Variants in SCRG1 observed in about 807,000 individuals in gnomAD.
SCRG1 encodes the protein scrapie-responsive protein 1.
A neutral mutation model predicts 7.7 loss-of-function variants in SCRG1; 3 were observed. The observed-to-expected ratio is 0.39, with a 90% CI of 0.18 to 1.01. The LOEUF is 1.01. SCRG1 is among the 50% of genes least tolerant of loss of function. SCRG1 has a pLI of 0.36. For synonymous variants in SCRG1, 46 were observed against 41.2 expected (o/e 1.12, Z -0.44); for missense variants, 110 against 117.2 (o/e 0.94, Z 0.28).
Position 173,387,480 on chromosome 4 carries a change from G to A in SCRG1, c.*861C>T, listed in dbSNP as rs1739274576. 1 of 151,946 alleles carries A rather than the reference G, an allele frequency of 6.6e-6. No individual in the cohort carries two copies. Among genetic ancestry groups the A allele is most frequent in the South Asian group, 2.1e-4 (1 of 4,806 alleles). The allele number at this position is 151,946 out of a possible 1,614,324, so 9.4% of individuals were successfully genotyped here. A position where few individuals can be genotyped will look rare whatever the true frequency, so the allele number is the denominator to read the frequency against. On this transcript the variant is annotated 3_prime_UTR_variant, in exon 3 of 3. Coordinates refer to ENST00000296506, the MANE Select transcript of SCRG1 (RefSeq NM_007281.4). ...CCTACCTCAGCCTCCCAAATAGCTG[G>A]GACTACAGGTGCATGCCGCCATGCA...
chr4:173,483,535 A>G, the SCRG1 span, among the ~76,000 whole-genome samples: 161 of 50,212 alleles, frequency 3.2e-3, 23 homozygotes, highest in African/African-American at 9.4e-3. Flanking sequence ...ATATTGTATT[A>G]TGATATATAA....
chr4:173,484,833 GTACAATATATTATATATAATA>G, the SCRG1 span, among the ~76,000 whole-genome samples: 5 of 64,120 alleles, frequency 7.8e-5, no homozygotes, highest in Non-Finnish European at 1.3e-4. Context: ...TATATTATAT[GTACAATATATTATATATAATA>G]TATATTATGT....
the SCRG1 span, among the ~76,000 whole-genome samples, chr4:173,485,389 C>T: frequency 8.7e-5 from 13 of 149,698 alleles, no homozygotes; most frequent in Non-Finnish European, 2.9e-5. Context: ...CAGCTGACAG[C>T]CAACAACAAG....
chr4:173,487,971 C>T, the SCRG1 span, among the ~76,000 whole-genome samples: 4 of 151,810 alleles, frequency 2.6e-5, no homozygotes, highest in African/African-American at 7.3e-5. Context: ...TGTGGTGGCA[C>T]GCACCTGTGG....
chr4:173,467,850 C>CT, the SCRG1 span: 1 of 152,060 alleles, frequency 6.6e-6, no homozygotes, highest in Non-Finnish European at 1.5e-5. Context: ...ACAAACCATG[C>CT]TTTTTAATTA....
the SCRG1 span, among the ~76,000 whole-genome samples, chr4:173,496,935 T>A: frequency 1.3e-5 from 2 of 151,742 alleles, no homozygotes; most frequent in Non-Finnish European, 2.9e-5. Context: ...TGAAACCCCG[T>A]CTCTACTAAA....
chr4:173,492,642 C>T, the SCRG1 span, among the ~76,000 whole-genome samples: 3 of 152,158 alleles, frequency 2.0e-5, no homozygotes, highest in African/African-American at 7.2e-5. Context: ...ATCAGAGCCC[C>T]CTACACCCAC....
chr4:173,497,704 T>G, the SCRG1 span, among the ~76,000 whole-genome samples: 1 of 133,864 alleles, frequency 7.5e-6, no homozygotes, highest in African/African-American at 2.8e-5. Context: ...GGAGTCTCAC[T>G]CTGTCACTGA....
upstream of SCRG1, among the ~76,000 whole-genome samples, chr4:173,408,472 C>G (rs1280392263): frequency 6.6e-6 from 1 of 152,106 alleles, no homozygotes; most frequent in Non-Finnish European, 1.5e-5. Flanking sequence ...CAGTATGGCT[C>G]AAGTGTAAAT....
chr4:173,485,312 G>A, the SCRG1 span, among the ~76,000 whole-genome samples: 2 of 91,252 alleles, frequency 2.2e-5, no homozygotes, highest in African/African-American at 6.8e-5. Context: ...TGCTTTCATT[G>A]TCTACCAAGT....
the SCRG1 span, among the ~76,000 whole-genome samples, chr4:173,438,119 A>T: frequency 6.6e-6 from 1 of 151,918 alleles, no homozygotes; most frequent in African/African-American, 2.4e-5. Flanking sequence ...TAATTAATTA[A>T]TTTATTTATT....
upstream of SCRG1, among the ~76,000 whole-genome samples, chr4:173,400,293 G>T (rs550021655): frequency 1.6e-4 from 24 of 152,268 alleles, no homozygotes; most frequent in African/African-American, 4.6e-4. Context: ...ACTTTCAAAG[G>T]CTTGGGCCTT....
chr4:173,484,675 G>GCA, the SCRG1 span, among the ~76,000 whole-genome samples: 11 of 35,248 alleles, frequency 3.1e-4, no homozygotes, highest in African/African-American at 1.1e-3. Context: ...ATAACATGAT[G>GCA]TATAATATAT....
chr4:173,419,717 G>T, the SCRG1 span: 5 of 999,302 alleles, frequency 5.0e-6, no homozygotes, highest in Non-Finnish European at 7.9e-6. Flanking sequence ...GCCAGTGGTA[G>T]TTCTGGCAAG....
At chr4:173,454,580 A>T in the SCRG1 span, among the ~76,000 whole-genome samples, 7 of 152,226 alleles carry the variant, frequency 4.6e-5, no homozygotes, top group Admixed American at 3.3e-4. Flanking sequence ...ATCATTAATA[A>T]GTCTATTACC....
At chr4:173,446,984 T>C in the SCRG1 span, among the ~76,000 whole-genome samples, 1,823 of 152,324 alleles carry the variant, frequency 0.012, 48 homozygotes, top group African/African-American at 0.042. Context: ...GATAAAATCT[T>C]GAGTTTACAA....
upstream of SCRG1, among the ~76,000 whole-genome samples, chr4:173,406,826 A>T (rs946694368): frequency 6.6e-6 from 1 of 152,214 alleles, no homozygotes; most frequent in Non-Finnish European, 1.5e-5. Flanking sequence ...TTATCACTGA[A>T]TAATATTCCA....
chr4:173,514,106 T>C, the SCRG1 span, among the ~76,000 whole-genome samples: 1 of 152,132 alleles, frequency 6.6e-6, no homozygotes, highest in Non-Finnish European at 1.5e-5. Flanking sequence ...GCTCAATGGG[T>C]CATAAGTTGA....
chr4:173,433,618 T>C, the SCRG1 span, among the ~76,000 whole-genome samples: 196 of 152,300 alleles, frequency 1.3e-3, 5 homozygotes, highest in East Asian at 0.036. Flanking sequence ...GGAGGAGGGA[T>C]GGGGATTTCC....
Sources: gnomAD v4.1 joint callset for allele counts (sites outside exome capture counted in the v4.1 genomes callset) on GRCh38, gnomAD v4.1.1 for gene constraint, MANE v1.5 for transcripts, NCBI Gene and HGNC (gene_info 2026-07-23, HGNC 2026-07-21) for gene names.